The following PTPRG variants were observed in gnomAD, a reference collection of about 807,000 sequenced individuals.
PTPRG encodes protein tyrosine phosphatase receptor type G, also known as receptor-type tyrosine-protein phosphatase gamma.
A neutral mutation model predicts 165.3 loss-of-function variants in PTPRG; 102 were observed. The observed-to-expected ratio is 0.62, with a 90% CI of 0.53 to 0.73. PTPRG has a LOEUF of 0.73. PTPRG is among the 30% of genes least tolerant of loss of function. PTPRG has a pLI of 0.00. For synonymous variants in PTPRG, 675 were observed against 669.5 expected, an observed-to-expected ratio of 1.01 and a Z score of -0.13; for missense variants, 1,866 against 1,861.4, an observed-to-expected ratio of 1.00 and a Z score of -0.05.
intron 1 of PTPRG, among the ~76,000 whole-genome samples, chr3:61,604,591 A>AT (rs1700951189): frequency 6.6e-6 from 1 of 152,162 alleles, no homozygotes; most frequent in Admixed American, 6.5e-5. Flanking sequence ...TGTAAGTACC[A>AT]TTTTTTCCAT....
chr3:62,049,626 T>A (rs1168447441), intron 4 of PTPRG, among the ~76,000 whole-genome samples: 1 of 152,186 alleles, frequency 6.6e-6, no homozygotes, highest in Non-Finnish European at 1.5e-5. Flanking sequence ...TGGTAATTTG[T>A]TTTTGAACTT....
intron 4 of PTPRG, among the ~76,000 whole-genome samples, chr3:62,043,740 T>G (rs1242618169): frequency 6.6e-6 from 1 of 152,204 alleles, no homozygotes; most frequent in Non-Finnish European, 1.5e-5. Context: ...GGTTTATGAT[T>G]GTTAAAGGAT....
intron 2 of PTPRG, among the ~76,000 whole-genome samples, chr3:61,829,473 C>G (rs112292782): frequency 5.3e-5 from 8 of 152,318 alleles, no homozygotes; most frequent in South Asian, 2.1e-4. Context: ...CTGCCTTAAA[C>G]GACACCACCA....
chr3:61,876,371 T>C (rs2037740010), intron 2 of PTPRG, among the ~76,000 whole-genome samples: 1 of 152,174 alleles, frequency 6.6e-6, no homozygotes, highest in African/African-American at 2.4e-5. Flanking sequence ...GAAAATCTAG[T>C]ACAATTCAAA....
intron 4 of PTPRG, among the ~76,000 whole-genome samples, chr3:62,034,932 C>T (rs931284000): frequency 2.0e-5 from 3 of 152,140 alleles, no homozygotes; most frequent in South Asian, 4.2e-4. Flanking sequence ...CATCCCTGTC[C>T]GTGGCTCCTT....
At chr3:61,665,192 T>G (rs1702777447) in intron 1 of PTPRG, among the ~76,000 whole-genome samples, 1 of 152,170 alleles carries the variant, frequency 6.6e-6, no homozygotes, top group Non-Finnish European at 1.5e-5. Context: ...CTTTCTGCCA[T>G]TCAGAAGTAG....
intron 2 of PTPRG, among the ~76,000 whole-genome samples, chr3:61,971,262 C>G (rs1441742778): frequency 6.6e-6 from 1 of 151,998 alleles, no homozygotes; most frequent in East Asian, 1.9e-4. Context: ...ACCATGTTGG[C>G]CAAGGTGGGT....
At chr3:62,013,287 A>G (rs952276218) in intron 4 of PTPRG, among the ~76,000 whole-genome samples, 3 of 152,218 alleles carry the variant, frequency 2.0e-5, no homozygotes, top group Non-Finnish European at 2.9e-5. Flanking sequence ...CTACCATACT[A>G]AAACTTGCAA....
In PTPRG at chr3:61,852,126, C is replaced by A. The variant is rs142681253; in HGVS notation, c.190+103144C>A. ...TAGATTTTAGGGAGTTTAATAAACC[C>A]ATTTTTGTTAATTTCTTTTTAAGGT... On this transcript the variant is annotated intron_variant, in intron 2 of 29. Transcript: ENST00000474889. Among the ~76,000 whole-genome samples the A allele has an allele frequency of 5.0e-4, 76 of 152,198 alleles. 1 individual carries two copies. In the East Asian group the frequency reaches 7.0e-3, roughly 14 times the overall value.
At chr3:61,950,210 T>G (rs1304312587) in intron 2 of PTPRG, among the ~76,000 whole-genome samples, 2 of 152,092 alleles carry the variant, frequency 1.3e-5, no homozygotes, top group East Asian at 3.9e-4. Context: ...CTGAATTCTT[T>G]TGTCTTTCCT....
intron 5 of PTPRG, among the ~76,000 whole-genome samples, chr3:62,102,615 A>G (rs1702330929): frequency 6.6e-6 from 1 of 152,126 alleles, no homozygotes; most frequent in African/African-American, 2.4e-5. Context: ...AGTGGTGTCC[A>G]TTTTGAGTGG....
chr3:61,970,994 A>G (rs1283894438), intron 2 of PTPRG, among the ~76,000 whole-genome samples: 2 of 152,174 alleles, frequency 1.3e-5, no homozygotes, highest in African/African-American at 2.4e-5. Flanking sequence ...TATTCTGTCA[A>G]TATTTCATTG....
chr3:62,074,353 T>TTTCTTTC (rs59777346), intron 4 of PTPRG, among the ~76,000 whole-genome samples: 1,385 of 22,526 alleles, frequency 0.061, 57 homozygotes, highest in African/African-American at 0.16. Context: ...CTTTTCTTTC[T>TTTCTTTC]TTTTTTTTTT....
intron 2 of PTPRG, among the ~76,000 whole-genome samples, chr3:61,799,537 A>G (rs1351186858): frequency 6.6e-6 from 1 of 152,200 alleles, no homozygotes; most frequent in Non-Finnish European, 1.5e-5. Context: ...TACTGGTCAC[A>G]TATTTCATAG....
intron 1 of PTPRG, among the ~76,000 whole-genome samples, chr3:61,659,048 C>G (rs1042632512): frequency 2.0e-5 from 3 of 152,004 alleles, no homozygotes; most frequent in Non-Finnish European, 4.4e-5. Context: ...CCTGCCCCTG[C>G]CCCTGCCCCT....
chr3:61,830,663 C>A lies in PTPRG; in HGVS notation c.190+81681C>A, dbSNP rs544737876. On this transcript the variant is annotated intron_variant, in intron 2 of 29. Transcript: ENST00000474889. ...GATCTCGGTTCACTGCAACCTCCACCTCTCAGGTTCAAGTGATTCTCCTGC... is the reference window on the plus strand; with the variant it reads ...GATCTCGGTTCACTGCAACCTCCACATCTCAGGTTCAAGTGATTCTCCTGC... 2.7e-5 allele frequency among the ~76,000 whole-genome samples: 4 copies of A among 150,618 alleles called. No individual in the cohort carries two copies. The East Asian group carries it at 7.8e-4, about 30-fold the overall frequency.
intron 1 of PTPRG, among the ~76,000 whole-genome samples, chr3:61,631,414 T>C (rs927019380): frequency 3.9e-5 from 6 of 152,266 alleles, no homozygotes; most frequent in African/African-American, 9.6e-5. Flanking sequence ...CACATAACTT[T>C]TATTACTGTT....
intron 2 of PTPRG, among the ~76,000 whole-genome samples, chr3:61,931,875 C>A (rs2039370391): frequency 6.6e-6 from 1 of 152,164 alleles, no homozygotes; most frequent in Non-Finnish European, 1.5e-5. Flanking sequence ...AATCGTGTTT[C>A]TGTTCTTAGC....
rs147004510 is a variant in PTPRG, at chr3:62,255,313, A to G, written c.2559+98A>G. The G allele has an allele frequency of 1.3e-3, 1,146 of 868,196 alleles. 8 individuals carry two copies. The African/African-American group carries it at 0.018, about 14-fold the overall frequency. 53.8% of individuals were successfully genotyped at this position (868,196 alleles called of 1,614,324 possible). A position where few individuals can be genotyped will look rare whatever the true frequency, so the allele number is the denominator to read the frequency against. ...CTGAATTCATTCCAAGCATAACAAA[A>G]CAGTAACTACGGAAAGTGGAGTTTT... On this transcript the variant is annotated intron_variant, in intron 16 of 29. Transcript: ENST00000474889. The surrounding 1 kb of genome is among the most constrained non-coding windows in gnomAD (Gnocchi z 4.0).
Sources: allele counts gnomAD v4.1 joint callset (sites outside exome capture counted in the v4.1 genomes callset), GRCh38; gene constraint gnomAD v4.1.1; non-coding constraint Gnocchi (gnomAD v3.1); transcripts MANE v1.5; gene names NCBI Gene and HGNC (gene_info 2026-07-23, HGNC 2026-07-21).